Variants in KLHDC8B observed in about 807,000 individuals in gnomAD.
The protein encoded by KLHDC8B is kelch domain containing 8B.
Under a neutral mutation model 26.3 loss-of-function variants are expected in KLHDC8B, and 19 were observed. That is an observed-to-expected ratio of 0.72 (90% CI 0.50 to 1.06). KLHDC8B has a LOEUF of 1.06. Among genes scored for constraint, KLHDC8B ranks in the 50% least tolerant of loss-of-function variants. The pLI, the probability that KLHDC8B is intolerant of heterozygous loss-of-function variation, is 0.00. For missense variants in KLHDC8B, 411 were observed against 488.1 expected, an observed-to-expected ratio of 0.84 and a Z score of 1.49; for synonymous variants, 150 against 188.4, an observed-to-expected ratio of 0.80 and a Z score of 1.67.
At position 49,176,045 on chromosome 3, in the gene KLHDC8B, G is replaced by A. The variant is rs2045825964; in HGVS notation, c.*244G>A. The A allele has an allele frequency of 2.0e-6, 1 of 511,670 alleles. No homozygotes were observed. The highest frequency in any genetic ancestry group is 2.7e-5 in the South Asian group (1 of 37,536). 31.7% of individuals were successfully genotyped at this position (511,670 alleles called of 1,614,324 possible). ...ATGAATCATGCCTAGCTCCATCCTT[G>A]CCCTGGGACCTACTAGGCCTTCCAT... On this transcript the variant is annotated 3_prime_UTR_variant, in exon 6 of 6. Coordinates refer to ENST00000332780, the MANE Select transcript of KLHDC8B (RefSeq NM_173546.3).
chr3:49,174,545 G>A (rs2045802886), intron 3 of KLHDC8B, 142 bp downstream of exon 3: 1 of 1,183,852 alleles, frequency 8.4e-7, no homozygotes, highest in East Asian at 2.6e-5. Flanking sequence ...CTGCTCTGAG[G>A]CTCTGACCCC....
At chr3:49,175,517 A>G (rs557313952) in intron 5 of KLHDC8B, 88 bp from the exon 6 acceptor site, 6 of 929,616 alleles carry the variant, frequency 6.5e-6, no homozygotes, top group South Asian at 6.4e-5. Flanking sequence ...GGTGATAACT[A>G]CTGGGCTATT....
At chr3:49,173,974 T>C (rs967808005) in intron 2 of KLHDC8B, among the ~76,000 whole-genome samples, 1 of 152,292 alleles carries the variant, frequency 6.6e-6, no homozygotes, top group Admixed American at 6.5e-5. Flanking sequence ...TGCCAGACTC[T>C]GTTGCCATAG....
Position 49,174,387 on chromosome 3 carries a change from C to T in KLHDC8B, c.525C>T (p.Asn175=). 1 of 1,613,566 alleles carries T rather than the reference C, an allele frequency of 6.2e-7. No homozygotes were observed. Among genetic ancestry groups the T allele is most frequent in the Non-Finnish European group, 8.5e-7 (1 of 1,179,722 alleles). ...GGGCCTCCACCTTCCTGCACGGGAA[C>T]AAGATCTATGTCCTGGGTAAGGGCC... ...CYGASTFLHG[N]KIYVLGGRQG... The change falls in exon 3 of 6, where the codon AAC becomes AAT. Residue 175 remains asparagine (N), a synonymous_variant. Coordinates refer to ENST00000332780, the MANE Select transcript of KLHDC8B (RefSeq NM_173546.3).
chr3:49,174,735 T>C lies in KLHDC8B; in HGVS notation c.542-7T>C, dbSNP rs1479685335. ...CTCCTTCCCAGGTACCCCAATTCCA[T>C]TGACAGGGGGCCGCCAGGGCAAGCT... On this transcript the variant is annotated splice_region_variant and splice_polypyrimidine_tract_variant and intron_variant, in intron 3 of 5. Transcript: ENST00000332780. 1.3e-6 allele frequency: 2 copies of C among 1,597,020 alleles called. No individual in the cohort carries two copies. The highest frequency in any genetic ancestry group is 1.3e-5 in the African/African-American group (1 of 74,492).
At chr3:49,174,108 G>A (rs935001394) in intron 2 of KLHDC8B, 131 bp from the exon 3 acceptor site, 73 of 600,962 alleles carry the variant, frequency 1.2e-4, no homozygotes, top group African/African-American at 3.7e-5. Flanking sequence ...AGGTAGTAGA[G>A]TGTCTGTTGC....
intron 1 of KLHDC8B, among the ~76,000 whole-genome samples, chr3:49,172,424 G>C (rs2045775943): frequency 1.3e-5 from 2 of 152,136 alleles, no homozygotes; most frequent in African/African-American, 2.4e-5. Flanking sequence ...GCCTCCATGG[G>C]AAAGGGGAAA....
chr3:49,172,502 C>T, intron 1 of KLHDC8B, 134 bp from the exon 2 acceptor site: 1 of 519,672 alleles, frequency 1.9e-6, no homozygotes, highest in Admixed American at 3.2e-5. Flanking sequence ...GTGTGCTAGC[C>T]AGAGGGGTTG....
chr3:49,172,136 G>GT (rs1177165893), intron 1 of KLHDC8B, among the ~76,000 whole-genome samples: 6 of 152,288 alleles, frequency 3.9e-5, no homozygotes, highest in East Asian at 1.9e-4. Flanking sequence ...AGTGGGAATG[G>GT]TTTAAATTAA....
Position 49,172,699 on chromosome 3 carries a change from C to T in KLHDC8B, c.-71C>T, listed in dbSNP as rs2045778002. On this transcript the variant is annotated 5_prime_UTR_variant, in exon 2 of 6. Transcript: ENST00000332780. ...TGGCCCTGGCAGAATCAAGATGAGG[C>T]CCTGTCATGCCTCCCCAGTGAGGCC... is the stretch of plus-strand genomic sequence containing the variant. 2.7e-6 allele frequency: 4 copies of T among 1,491,210 alleles called. No homozygotes were observed. The highest frequency in any genetic ancestry group is 1.4e-5 in the African/African-American group (1 of 72,902). The allele number at this position is 1,491,210 out of a possible 1,614,324, so 92.4% of individuals were successfully genotyped here.
In KLHDC8B at chr3:49,176,338, C is replaced by T. The variant is rs1181053392; in HGVS notation, c.*537C>T. ...GCCCTCTACACTGCTGGTTGTATGA[C>T]CTTGGACAAGTCACTTCACCTCTCT... On this transcript the variant is annotated 3_prime_UTR_variant, in exon 6 of 6. Transcript: ENST00000332780. 1 of 153,712 alleles carries T rather than the reference C, an allele frequency of 6.5e-6. No individual in the cohort carries two copies. Among genetic ancestry groups the T allele is most frequent in the Non-Finnish European group, 1.4e-5 (1 of 69,184 alleles). The allele number at this position is 153,712 out of a possible 1,614,324, so 9.5% of individuals were successfully genotyped here. A position where few individuals can be genotyped will look rare whatever the true frequency, so the allele number is the denominator to read the frequency against.
In KLHDC8B at chr3:49,175,929, A is replaced by C; in HGVS notation, c.*128A>C. On this transcript the variant is annotated 3_prime_UTR_variant, in exon 6 of 6. Coordinates refer to ENST00000332780, the MANE Select transcript of KLHDC8B (RefSeq NM_173546.3). Reference sequence around the variant, plus strand: ...AGAGAGGCATGGGGGTGAGCACTTGAAACACTGCCTTGGGGCCTTGGGTTA... The same window carrying C: ...AGAGAGGCATGGGGGTGAGCACTTGCAACACTGCCTTGGGGCCTTGGGTTA... 1.1e-6 allele frequency: 1 copy of C among 880,636 alleles called. No homozygotes were observed. Among genetic ancestry groups the C allele is most frequent in the Non-Finnish European group, 1.8e-6 (1 of 560,940 alleles). 54.6% of individuals were successfully genotyped at this position (880,636 alleles called of 1,614,324 possible). A position where few individuals can be genotyped will look rare whatever the true frequency, so the allele number is the denominator to read the frequency against.
At chr3:49,174,634 C>T in intron 3 of KLHDC8B, 108 bp from the exon 4 acceptor site, 2 of 1,417,286 alleles carry the variant, frequency 1.4e-6, no homozygotes, top group Non-Finnish European at 9.5e-7. Flanking sequence ...TGCAAGTGTG[C>T]ACACAGCAGG....
chr3:49,175,575 C>T (rs780168051), intron 5 of KLHDC8B, 30 bp from the exon 6 acceptor site: 1 of 1,511,130 alleles, frequency 6.6e-7, no homozygotes, highest in Non-Finnish European at 8.9e-7. Flanking sequence ...CGGCCTGTGC[C>T]TCTCACAGCC....
chr3:49,174,921 C>A lies in KLHDC8B; in HGVS notation c.721C>A (p.Arg241Ser). ...GCCTGGGCCCCACAACTTCTACTCT[C>A]GCCCACACTTTGTCAACACTGTGGA... is the stretch of plus-strand genomic sequence containing the variant. ...QQPGPHNFYSRPHFVNTVEMF... is the reference protein window; with the variant it reads ...QQPGPHNFYSSPHFVNTVEMF... The change falls in exon 4 of 6, where the codon CGC becomes AGC. Residue 241 changes from arginine (R) to serine (S), a missense_variant. Transcript: ENST00000332780. 1.2e-6 allele frequency: 2 copies of A among 1,614,154 alleles called. No homozygotes were observed. Among genetic ancestry groups the A allele is most frequent in the South Asian group, 1.1e-5 (1 of 91,086 alleles).
rs541739860 is a variant in KLHDC8B, at chr3:49,172,856, A to G, written c.87A>G (p.Gln29=). Residue 29 remains glutamine (Q), a synonymous_variant, in exon 2 of 6, where the codon CAA becomes CAG. Transcript: ENST00000332780. ...GGGTCTATGGCACAGTGGCACACCAAGATGGGCACCTGCTGGTGTTGGGGG... is the reference window on the plus strand; with the variant it reads ...GGGTCTATGGCACAGTGGCACACCAGGATGGGCACCTGCTGGTGTTGGGGG... ...TCRVYGTVAH[Q]DGHLLVLGGC... 1.5e-5 allele frequency: 25 copies of G among 1,614,146 alleles called. No homozygotes were observed. In the South Asian group the frequency reaches 2.7e-4, roughly 18 times the overall value.
chr3:49,175,092 G>A lies in KLHDC8B; in HGVS notation c.797G>A (p.Arg266His), dbSNP rs1052033483. The A allele has an allele frequency of 2.4e-5, 39 of 1,614,038 alleles. No individual in the cohort carries two copies. Among genetic ancestry groups the A allele is most frequent in the Middle Eastern group, 3.3e-4 (2 of 6,080 alleles). ...GSWTKLPRSL[R>H]MRDKRADFVV... The stretch of plus-strand genomic sequence containing the variant: ...TGGACCAAATTGCCCCGCAGCCTGC[G>A]CATGAGGGATAAGAGGGCAGACTTT... Residue 266 changes from arginine (R) to histidine (H), a missense_variant, in exon 5 of 6, where the codon CGC becomes CAC. By Grantham distance (29) the Arg-to-His change is conservative. Transcript: ENST00000332780.
rs2045826022 is a variant in KLHDC8B at position 49,176,056 on chromosome 3, T to C, written c.*255T>C. On this transcript the variant is annotated 3_prime_UTR_variant, in exon 6 of 6. Coordinates refer to ENST00000332780, the MANE Select transcript of KLHDC8B (RefSeq NM_173546.3). ...CTAGCTCCATCCTTGCCCTGGGACCTACTAGGCCTTCCATCCAACTGGGAA... is the reference window on the plus strand; with the variant it reads ...CTAGCTCCATCCTTGCCCTGGGACCCACTAGGCCTTCCATCCAACTGGGAA... The C allele has an allele frequency of 2.1e-6, 1 of 477,022 alleles. No individual in the cohort carries two copies. Among genetic ancestry groups the C allele is most frequent in the African/African-American group, 2.0e-5 (1 of 50,158 alleles). 29.5% of individuals were successfully genotyped at this position (477,022 alleles called of 1,614,324 possible). A position where few individuals can be genotyped will look rare whatever the true frequency, so the allele number is the denominator to read the frequency against.
Position 49,172,833 on chromosome 3 carries a change from G to T in KLHDC8B, c.64G>T (p.Val22Phe), listed in dbSNP as rs374978976. ...QVFPPMPTCR[V>F]YGTVAHQDGH... ...GTTCCCCCCCATGCCCACTTGCCGG[G>T]TCTATGGCACAGTGGCACACCAAGA... Residue 22 changes from valine (V) to phenylalanine (F), a missense_variant, in exon 2 of 6, where the codon GTC becomes TTC. Coordinates refer to ENST00000332780, the MANE Select transcript of KLHDC8B (RefSeq NM_173546.3). The T allele has an allele frequency of 6.2e-6, 10 of 1,613,990 alleles. No homozygotes were observed. Among genetic ancestry groups the T allele is most frequent in the Non-Finnish European group, 8.5e-6 (10 of 1,180,028 alleles).
Sources: allele counts gnomAD v4.1 joint callset (sites outside exome capture counted in the v4.1 genomes callset), GRCh38; gene constraint gnomAD v4.1.1; transcripts MANE v1.5; gene names NCBI Gene and HGNC (gene_info 2026-07-23, HGNC 2026-07-21).